The following SEC23B variants were observed in gnomAD, a reference collection of about 807,000 sequenced individuals.
SEC23B encodes protein transport protein Sec23B.
In SEC23B, 77 loss-of-function variants were observed where a neutral mutation model predicts 104.3. The observed-to-expected ratio is 0.74, with a 90% CI of 0.61 to 0.89. SEC23B has a LOEUF of 0.89. SEC23B is among the 40% of genes least tolerant of loss of function. SEC23B has a pLI of 0.00. For missense variants in SEC23B, 885 were observed against 949.4 expected (o/e 0.93, Z 0.89); for synonymous variants, 338 against 332.5 (o/e 1.02, Z -0.18).
At chr20:18,517,626 G>A (rs779403359) in intron 4 of SEC23B, among the ~76,000 whole-genome samples, 86 of 152,126 alleles carry the variant, frequency 5.7e-4, no homozygotes, top group Non-Finnish European at 8.7e-4. Context: ...AATTTTGGGG[G>A]TGATATGGAG....
rs1229036517 is a variant in SEC23B, at chr20:18,524,333, A to G, written c.367-100A>G. On this transcript the variant is annotated intron_variant, in intron 4 of 19. Coordinates refer to ENST00000650089, the MANE Select transcript of SEC23B (RefSeq NM_006363.6). ...ATGTCCTTATCTCCTAAAACTAAATATAGATGAAGACTTACAATTTTCATA... is the reference window on the plus strand; with the variant it reads ...ATGTCCTTATCTCCTAAAACTAAATGTAGATGAAGACTTACAATTTTCATA... The G allele has an allele frequency of 7.0e-6, 6 of 852,926 alleles. No individual in the cohort carries two copies. The African/African-American group carries it at 9.9e-5, about 14-fold the overall frequency. The allele number at this position is 852,926 out of a possible 1,614,324, so 52.8% of individuals were successfully genotyped here. A position where few individuals can be genotyped will look rare whatever the true frequency, so the allele number is the denominator to read the frequency against.
Position 18,510,997 on chromosome 20 carries a change from A to T in SEC23B, c.162A>T (p.Val54=). Residue 54 remains valine (V), a synonymous_variant, in exon 2 of 20, where the codon GTA becomes GTT. Coordinates refer to ENST00000650089, the MANE Select transcript of SEC23B (RefSeq NM_006363.6). ...AAGAACGTCCAGACCTACCTCCTGTACAATATGAACCTGTGCTTTGCAGCA... is the reference window on the plus strand; with the variant it reads ...AAGAACGTCCAGACCTACCTCCTGTTCAATATGAACCTGTGCTTTGCAGCA... ...PLKERPDLPP[V]QYEPVLCSRP... is the part of the protein sequence containing the mutation. 6.2e-7 allele frequency: 1 copy of T among 1,614,162 alleles called. No homozygotes were observed.
Position 18,555,157 on chromosome 20 carries a change from T to C in SEC23B, c.2198T>C (p.Leu733Pro), listed in dbSNP as rs1204525337. 6.2e-7 allele frequency: 1 copy of C among 1,613,654 alleles called. No homozygotes were observed. Among genetic ancestry groups the C allele is most frequent in the Admixed American group, 1.7e-5 (1 of 60,028 alleles). The change falls in exon 19 of 20, where the codon CTG becomes CCG. Residue 733 changes from leucine to proline, a missense_variant. Physicochemically the swap from Leu to Pro is moderately conservative, Grantham distance 98. Coordinates refer to ENST00000650089, the MANE Select transcript of SEC23B (RefSeq NM_006363.6). ...KVNPSQTHNNLYAWGQETGAP... is the reference protein window; with the variant it reads ...KVNPSQTHNNPYAWGQETGAP... ...AACCCATCTCAGACACACAATAACCTGTATGCTTGGGGACAGGTAAGAAAT... is the reference window on the plus strand; with the variant it reads ...AACCCATCTCAGACACACAATAACCCGTATGCTTGGGGACAGGTAAGAAAT...
chr20:18,532,631 C>T, intron 10 of SEC23B, 33 bp from the exon 11 acceptor site: 1 of 1,513,866 alleles, frequency 6.6e-7, no homozygotes, highest in Non-Finnish European at 9.2e-7. Context: ...TTGAAGTGAT[C>T]TTTAACTTTA....
chr20:18,533,944 A>C (rs559955029), intron 11 of SEC23B, among the ~76,000 whole-genome samples: 1 of 152,248 alleles, frequency 6.6e-6, no homozygotes, highest in Non-Finnish European at 1.5e-5. Context: ...AAACTAATTA[A>C]TATTTCTAGT....
Position 18,532,888 on chromosome 20 carries a change from C to T in SEC23B, c.1314+144C>T, listed in dbSNP as rs6081190. 0.17 allele frequency: 118,313 copies of T among 711,604 alleles called. 11,519 individuals are homozygous for T. Among genetic ancestry groups the T allele is most frequent in the Non-Finnish European group, 0.19 (74,473 of 384,720 alleles). 44.1% of individuals were successfully genotyped at this position (711,604 alleles called of 1,614,324 possible). On this transcript the variant is annotated intron_variant, in intron 11 of 19. Transcript: ENST00000650089. ...GGGCTAACCCTCACTGATGACTATA[C>T]TCGGAGAGGTGGTGTTATTCCATCT...
rs990849986 is a variant in SEC23B at position 18,561,347 on chromosome 20, G to A, written c.*607G>A. On this transcript the variant is annotated 3_prime_UTR_variant, in exon 20 of 20. Coordinates refer to ENST00000650089, the MANE Select transcript of SEC23B (RefSeq NM_006363.6). Reference sequence around the variant, plus strand: ...TCCTTACAAGATTTTTGTTGTTGATGTATTTAATTTTAGCCCATGTCTCAA... The same window carrying A: ...TCCTTACAAGATTTTTGTTGTTGATATATTTAATTTTAGCCCATGTCTCAA... The A allele has an allele frequency of 1.3e-5, 2 of 152,422 alleles. No homozygotes were observed. The highest frequency in any genetic ancestry group is 1.5e-5 in the Non-Finnish European group (1 of 68,260). 9.4% of individuals were successfully genotyped at this position (152,422 alleles called of 1,614,324 possible).
intron 14 of SEC23B, among the ~76,000 whole-genome samples, chr20:18,545,363 G>A (rs1306099683): frequency 6.6e-6 from 1 of 152,178 alleles, no homozygotes. Flanking sequence ...AGACATTTGG[G>A]CAGTCACCTG....
chr20:18,555,815 A>AT (rs1426722188), intron 19 of SEC23B, among the ~76,000 whole-genome samples: 3 of 152,050 alleles, frequency 2.0e-5, no homozygotes, highest in African/African-American at 4.8e-5. Flanking sequence ...GGATATTGAG[A>AT]TTTTTAAGGT....
intron 17 of SEC23B, among the ~76,000 whole-genome samples, chr20:18,552,651 T>C (rs1431286269): frequency 6.6e-6 from 1 of 152,004 alleles, no homozygotes; most frequent in Non-Finnish European, 1.5e-5. Flanking sequence ...CTGTCTCTAC[T>C]AAAAATACAA....
chr20:18,555,860 C>T (rs1019857873), intron 19 of SEC23B, among the ~76,000 whole-genome samples: 5 of 151,932 alleles, frequency 3.3e-5, no homozygotes, highest in Non-Finnish European at 7.4e-5. Context: ...CACACTTATG[C>T]ACTTTATTTC....
At chr20:18,535,387 C>T (rs181307075) in intron 11 of SEC23B, among the ~76,000 whole-genome samples, 52 of 151,974 alleles carry the variant, frequency 3.4e-4, no homozygotes, top group Middle Eastern at 3.4e-3. Context: ...AATAAATAAA[C>T]ATAAATAATA....
intron 19 of SEC23B, 110 bp downstream of exon 19, chr20:18,555,283 T>G (rs892945205): frequency 5.6e-6 from 5 of 895,344 alleles, no homozygotes; most frequent in Non-Finnish European, 9.1e-6. Context: ...AATAACTGCG[T>G]AAGTTGGGTA....
rs2060093017 is a variant in SEC23B, at chr20:18,522,511, A to G, written c.367-1922A>G. 2.0e-5 allele frequency among the ~76,000 whole-genome samples: 3 copies of G among 152,276 alleles called. No homozygotes were observed. In the South Asian group the frequency reaches 6.2e-4, roughly 32 times the overall value. On this transcript the variant is annotated intron_variant, in intron 4 of 19. Coordinates refer to ENST00000650089, the MANE Select transcript of SEC23B (RefSeq NM_006363.6). Reference sequence around the variant, plus strand: ...TGAAAAGACCACTTACCCGATTTGAAATTGGTGAAATATTCCCTGGGCTAG... The same window carrying G: ...TGAAAAGACCACTTACCCGATTTGAGATTGGTGAAATATTCCCTGGGCTAG...
rs1162270977 is a variant in SEC23B, at chr20:18,560,947, GGTACTTGTAGATGTTTAT to G, written c.*210_*227del. ...AAAATTATAAGGTCATAAATGTTTT[GGTACTTGTAGATGTTTAT>G]GTGCTTTTTGTATCCTAACTTTTAG... On this transcript the variant is annotated 3_prime_UTR_variant, in exon 20 of 20. Coordinates refer to ENST00000650089, the MANE Select transcript of SEC23B (RefSeq NM_006363.6). 3.6e-5 allele frequency: 20 copies of G among 559,188 alleles called. No homozygotes were observed. In the Admixed American group the frequency reaches 5.7e-4, roughly 16 times the overall value. 34.6% of individuals were successfully genotyped at this position (559,188 alleles called of 1,614,324 possible).
chr20:18,550,769 G>A (rs1182148904), intron 16 of SEC23B, among the ~76,000 whole-genome samples: 1 of 151,824 alleles, frequency 6.6e-6, no homozygotes, highest in African/African-American at 2.4e-5. Flanking sequence ...AAGCTGCAGT[G>A]AGCCAGGGTC....
intron 3 of SEC23B, among the ~76,000 whole-genome samples, chr20:18,512,708 A>C (rs991387388): frequency 4.6e-5 from 7 of 152,212 alleles, no homozygotes; most frequent in Non-Finnish European, 1.0e-4. Context: ...AAATTTTAAA[A>C]GTACCAAACT....
intron 4 of SEC23B, among the ~76,000 whole-genome samples, chr20:18,520,237 G>T (rs1254434109): frequency 6.6e-6 from 1 of 151,696 alleles, no homozygotes; most frequent in South Asian, 2.1e-4. Context: ...TTTTGGACAA[G>T]TAAAATGGGA....
chr20:18,537,634 C>T (rs974351060), intron 12 of SEC23B, among the ~76,000 whole-genome samples: 6 of 152,010 alleles, frequency 3.9e-5, no homozygotes, highest in African/African-American at 9.7e-5. Context: ...ATAACTAATG[C>T]TAAATGATGA....
Sources: allele counts gnomAD v4.1 joint callset (sites outside exome capture counted in the v4.1 genomes callset), GRCh38; gene constraint gnomAD v4.1.1; transcripts MANE v1.5; gene names NCBI Gene and HGNC (gene_info 2026-07-23, HGNC 2026-07-21).